SASH1: variants seen among roughly 807,000 people sequenced by gnomAD.
SASH1 encodes the protein SAM and SH3 domain containing 1.
SASH1 carries 44 observed loss-of-function variants against 125.2 expected under a neutral mutation model. That is an observed-to-expected ratio of 0.35 (90% CI 0.28 to 0.45). SASH1 has a LOEUF of 0.45. Among genes scored for constraint, SASH1 ranks in the 20% least tolerant of loss-of-function variants. The pLI is 1.00. For missense variants in SASH1, 1,426 were observed against 1,614.5 expected (o/e 0.88, Z 2.00); for synonymous variants, 639 against 649.1 (o/e 0.98, Z 0.24).
the SASH1 span, among the ~76,000 whole-genome samples, chr6:148,253,810 T>C: frequency 6.6e-6 from 1 of 151,972 alleles, no homozygotes; most frequent in South Asian, 2.1e-4. Context: ...AGGCAGAGGA[T>C]GCAGGGAACT....
the SASH1 span, among the ~76,000 whole-genome samples, chr6:148,223,671 G>A: frequency 1.3e-5 from 2 of 152,270 alleles, no homozygotes; most frequent in African/African-American, 4.8e-5. Flanking sequence ...TATGCAATGA[G>A]ATAAAACAAG....
intron 2 of SASH1, 94 bp downstream of exon 2, chr6:148,390,356 G>A: frequency 7.8e-7 from 1 of 1,281,070 alleles, no homozygotes; most frequent in South Asian, 1.4e-5. Context: ...CTCTTCCTGG[G>A]GTATCAATCT....
chr6:148,415,311 C>T (rs927262980), intron 2 of SASH1, among the ~76,000 whole-genome samples: 3 of 152,116 alleles, frequency 2.0e-5, no homozygotes, highest in South Asian at 2.1e-4. Flanking sequence ...GTATTTGTGC[C>T]GCTTCCTTTC....
rs1038078649 is a variant in SASH1, at chr6:148,547,737, G to A, written c.3481-558G>A. 2.6e-5 allele frequency among the ~76,000 whole-genome samples: 4 copies of A among 152,240 alleles called. No individual in the cohort carries two copies. The South Asian group carries it at 8.3e-4, about 32-fold the overall frequency. On this transcript the variant is annotated intron_variant, in intron 19 of 19. Coordinates refer to ENST00000367467, the MANE Select transcript of SASH1 (RefSeq NM_015278.5). ...CGTTAGCAAATCACCTTTCTGAAAG[G>A]TGCAGGCCCTTTATATACCCAGTAG...
At chr6:148,402,116 C>T (rs960157056) in intron 2 of SASH1, among the ~76,000 whole-genome samples, 19 of 152,166 alleles carry the variant, frequency 1.2e-4, no homozygotes, top group African/African-American at 4.1e-4. Flanking sequence ...CTTTTCAATG[C>T]TAGCGATGTG....
chr6:148,523,461 A>G (rs1394566798), intron 10 of SASH1, among the ~76,000 whole-genome samples: 8 of 152,258 alleles, frequency 5.3e-5, no homozygotes. Context: ...TAGAATAGAT[A>G]TAGGTCCAGT....
intron 8 of SASH1, among the ~76,000 whole-genome samples, chr6:148,489,814 A>G (rs911820549): frequency 2.7e-5 from 4 of 150,030 alleles, no homozygotes; most frequent in Admixed American, 6.6e-5. Flanking sequence ...TTGATATTCT[A>G]TCCTGTCACT....
intron 1 of SASH1, among the ~76,000 whole-genome samples, chr6:148,385,055 G>A (rs1467007374): frequency 6.6e-6 from 1 of 152,300 alleles, no homozygotes; most frequent in African/African-American, 2.4e-5. Context: ...CTTCTATTCT[G>A]TTGCCTTTCT....
At chr6:148,221,507 G>C in the SASH1 span, among the ~76,000 whole-genome samples, 1 of 152,110 alleles carries the variant, frequency 6.6e-6, no homozygotes, top group Admixed American at 6.6e-5. Flanking sequence ...AAAGGGTTTG[G>C]GGAACATATG....
chr6:148,316,828 G>A (rs1780490843), intron 1 of SASH1, among the ~76,000 whole-genome samples: 1 of 152,180 alleles, frequency 6.6e-6, no homozygotes, highest in Non-Finnish European at 1.5e-5. Context: ...GGTATGTCAG[G>A]GGTTATAGAA....
chr6:148,205,818 T>G, the SASH1 span, among the ~76,000 whole-genome samples: 1 of 152,226 alleles, frequency 6.6e-6, no homozygotes, highest in East Asian at 1.9e-4. Flanking sequence ...ACTTAGCAGA[T>G]AAGCACACAT....
chr6:148,504,227 G>A (rs994059757), intron 8 of SASH1, among the ~76,000 whole-genome samples: 1 of 152,170 alleles, frequency 6.6e-6, no homozygotes, highest in African/African-American at 2.4e-5. Flanking sequence ...TGCAGAAGAT[G>A]AGCCATCAGG....
intron 8 of SASH1, among the ~76,000 whole-genome samples, chr6:148,497,016 G>T (rs1439268758): frequency 6.6e-6 from 1 of 151,672 alleles, no homozygotes; most frequent in East Asian, 1.9e-4. Flanking sequence ...TATTTCGCTG[G>T]GTAGGAGATT....
chr6:148,358,733 G>GTTTTTTTTTTT (rs10673654), intron 1 of SASH1, among the ~76,000 whole-genome samples: 2 of 120,920 alleles, frequency 1.7e-5, no homozygotes, highest in Non-Finnish European at 1.7e-5. Context: ...CCATGTTTTT[G>GTTTTTTTTTTT]TTTTTTTTTT....
At chr6:148,430,567 A>G (rs549359819) in intron 2 of SASH1, among the ~76,000 whole-genome samples, 1 of 152,256 alleles carries the variant, frequency 6.6e-6, no homozygotes, top group East Asian at 1.9e-4. Flanking sequence ...CCTGACCTCA[A>G]GCGATCCACC....
chr6:148,532,965 A>C lies in SASH1; in HGVS notation c.1733A>C (p.Lys578Thr), dbSNP rs35517334. Reference sequence around the variant, plus strand: ...TATGACACAGACTCACTCAAGCTCAAGGTATCTCTCTCCCTGGCCTCAGAG... The same window carrying C: ...TATGACACAGACTCACTCAAGCTCACGGTATCTCTCTCCCTGGCCTCAGAG... ...SPYDTDSLKL[K>T]KGDIIDIISK... is the part of the protein sequence containing the mutation. Residue 578 changes from lysine to threonine, a missense_variant and splice_region_variant, in exon 14 of 20, where the codon AAG (lysine) becomes ACG (threonine). Lys to Thr is a moderately conservative substitution (Grantham distance 78). Around this residue, in one of 3 missense-constraint regions of SASH1, gnomAD observed 225 missense variants for 344.5 expected, o/e 0.65. Coordinates refer to ENST00000367467, the MANE Select transcript of SASH1 (RefSeq NM_015278.5). The surrounding 1 kb of genome is among the most constrained non-coding windows in gnomAD (Gnocchi z 4.7). 4.3e-5 allele frequency: 69 copies of C among 1,613,670 alleles called. No homozygotes were observed. In the African/African-American group the frequency reaches 7.2e-4, roughly 17 times the overall value.
intron 1 of SASH1, among the ~76,000 whole-genome samples, chr6:148,292,817 G>A (rs552019396): frequency 3.8e-4 from 58 of 152,204 alleles, no homozygotes; most frequent in Non-Finnish European, 5.7e-4. Context: ...TTGGGAGGCC[G>A]AGGTGGGCAG....
At chr6:148,517,238 C>T (rs1262488785) in intron 9 of SASH1, among the ~76,000 whole-genome samples, 1 of 152,122 alleles carries the variant, frequency 6.6e-6, no homozygotes, top group African/African-American at 2.4e-5. Flanking sequence ...AGGCTCAGAG[C>T]CAGGAAGTAA....
chr6:148,520,047 C>T, intron 10 of SASH1, 154 bp downstream of exon 10: 5 of 625,412 alleles, frequency 8.0e-6, no homozygotes, highest in Non-Finnish European at 1.4e-5. Flanking sequence ...CTGCCAGCGT[C>T]CCTCCAGAAA....
Sources: gnomAD v4.1 joint callset for allele counts (sites outside exome capture counted in the v4.1 genomes callset) on GRCh38, gnomAD v4.1.1 for gene constraint, gnomAD v4.1.1 regional missense constraint, Gnocchi (gnomAD v3.1) non-coding constraint, MANE v1.5 for transcripts, NCBI Gene and HGNC (gene_info 2026-07-23, HGNC 2026-07-21) for gene names.